CADM2: variants seen among roughly 807,000 people sequenced by gnomAD.
CADM2 encodes immunoglobulin superfamily member 4D.
In CADM2, 12 loss-of-function variants were observed where a neutral mutation model predicts 49.8. The ratio of observed to expected loss-of-function variants is 0.24; its 90% CI spans 0.15 to 0.39. The LOEUF is 0.39. Ranked by LOEUF, CADM2 falls within the 10% of genes least tolerant of loss-of-function variation. CADM2 has a pLI of 1.00. For synonymous variants in CADM2, 214 were observed against 175.4 expected (o/e 1.22, Z -1.74); for missense variants, 378 against 492.3 (o/e 0.77, Z 2.20).
At chr3:85,965,867 C>T (rs909763836) in intron 8 of CADM2, among the ~76,000 whole-genome samples, 7 of 151,590 alleles carry the variant, frequency 4.6e-5, no homozygotes, top group African/African-American at 1.7e-4. Flanking sequence ...GGAAGCAATG[C>T]ATACTCTTCT....
intron 1 of CADM2, among the ~76,000 whole-genome samples, chr3:85,468,115 C>G (rs1047837493): frequency 2.2e-5 from 3 of 137,676 alleles, no homozygotes; most frequent in Non-Finnish European, 4.5e-5. Flanking sequence ...GATCCCGCCA[C>G]TGCACTCCAG....
chr3:85,668,295 C>CAAAAAAAAAAAAAAAA (rs11447925), intron 1 of CADM2, among the ~76,000 whole-genome samples: 1 of 81,774 alleles, frequency 1.2e-5, no homozygotes, highest in Non-Finnish European at 2.5e-5. Flanking sequence ...AGTACCAAAG[C>CAAAAAAAAAAAAAAAA]AAAAAAAAAA....
chr3:85,760,139 T>G (rs766703880), intron 2 of CADM2, among the ~76,000 whole-genome samples: 2 of 152,136 alleles, frequency 1.3e-5, no homozygotes, highest in African/African-American at 2.4e-5. Flanking sequence ...TTGCTAGATA[T>G]ATGAAGTTTT....
At chr3:86,029,850 A>G (rs1017463921) in intron 8 of CADM2, among the ~76,000 whole-genome samples, 1 of 152,012 alleles carries the variant, frequency 6.6e-6, no homozygotes, top group African/African-American at 2.4e-5. Flanking sequence ...AAATTGTTAT[A>G]TGAGTCATCA....
At chr3:85,556,122 T>A (rs1229307837) in intron 1 of CADM2, among the ~76,000 whole-genome samples, 1 of 152,164 alleles carries the variant, frequency 6.6e-6, no homozygotes, top group East Asian at 1.9e-4. Context: ...GCCTTACCAA[T>A]AACATAAACA....
chr3:85,705,434 A>T (rs562917938), intron 1 of CADM2, among the ~76,000 whole-genome samples: 170 of 152,292 alleles, frequency 1.1e-3, no homozygotes, highest in Non-Finnish European at 1.7e-3. Flanking sequence ...AATGATGAGG[A>T]TTGCTGTCCT....
At chr3:85,259,545 A>G (rs998044520) in intron 1 of CADM2, among the ~76,000 whole-genome samples, 2 of 151,998 alleles carry the variant, frequency 1.3e-5, no homozygotes, top group Non-Finnish European at 2.9e-5. Context: ...TTTCAGTTTT[A>G]TTTTCCTTTA....
chr3:85,699,322 GCT>G (rs1217640159), intron 1 of CADM2, among the ~76,000 whole-genome samples: 1 of 152,122 alleles, frequency 6.6e-6, no homozygotes, highest in Non-Finnish European at 1.5e-5. Flanking sequence ...CCTTCTCACA[GCT>G]CCACTAGATA....
chr3:85,485,959 T>A (rs79236293), intron 1 of CADM2, among the ~76,000 whole-genome samples: 1 of 152,212 alleles, frequency 6.6e-6, no homozygotes, highest in East Asian at 1.9e-4. Flanking sequence ...GTATAGTTCA[T>A]ACATAAGGTT....
chr3:84,998,770 C>A (rs1243844346), intron 1 of CADM2, among the ~76,000 whole-genome samples: 3 of 152,022 alleles, frequency 2.0e-5, no homozygotes, highest in Non-Finnish European at 4.4e-5. Context: ...GGGCAGGTAG[C>A]CAGAGGCTCA....
rs530617164 is a variant in CADM2 at position 85,943,746 on chromosome 3, A to G, written c.791+7889A>G. Among the ~76,000 whole-genome samples, 350 of 151,998 alleles carry G rather than the reference A, an allele frequency of 2.3e-3. 4 individuals carry two copies. The highest frequency in any genetic ancestry group is 8.3e-3 in the African/African-American group (343 of 41,494). Reference sequence around the variant, plus strand: ...ACAGAGCCCTCAGAAATAACGCCGCATATCTACAACTATCTGATCTTTGAC... The same window carrying G: ...ACAGAGCCCTCAGAAATAACGCCGCGTATCTACAACTATCTGATCTTTGAC... On this transcript the variant is annotated intron_variant, in intron 7 of 9. Coordinates refer to ENST00000383699, the MANE Select transcript of CADM2 (RefSeq NM_001167675.2).
intron 1 of CADM2, among the ~76,000 whole-genome samples, chr3:85,411,204 A>T (rs2035641960): frequency 6.6e-6 from 1 of 152,172 alleles, no homozygotes; most frequent in Admixed American, 6.5e-5. Context: ...ATGACTTCAG[A>T]AAAGAGGTTA....
intron 2 of CADM2, among the ~76,000 whole-genome samples, chr3:85,774,278 G>T (rs1308872252): frequency 6.6e-6 from 1 of 151,726 alleles, no homozygotes. Context: ...GCATATCGGT[G>T]TTCTTAAATT....
chr3:85,613,506 C>T (rs749259583), intron 1 of CADM2, among the ~76,000 whole-genome samples: 2 of 151,468 alleles, frequency 1.3e-5, no homozygotes, highest in South Asian at 2.1e-4. Flanking sequence ...TTAATAGACA[C>T]CTGAATATTA....
intron 1 of CADM2, among the ~76,000 whole-genome samples, chr3:85,503,269 A>G (rs1414099171): frequency 6.6e-6 from 1 of 152,150 alleles, no homozygotes; most frequent in African/African-American, 2.4e-5. Context: ...TCATTTCTGG[A>G]TTTGCATAAG....
intron 1 of CADM2, among the ~76,000 whole-genome samples, chr3:85,402,803 T>C (rs2035180867): frequency 6.6e-6 from 1 of 152,174 alleles, no homozygotes; most frequent in African/African-American, 2.4e-5. Flanking sequence ...ATGAATTTTA[T>C]AAAGCAATCA....
At chr3:85,845,127 GC>G (rs2074818923) in intron 3 of CADM2, among the ~76,000 whole-genome samples, 1 of 141,666 alleles carries the variant, frequency 7.1e-6, no homozygotes, top group Non-Finnish European at 1.5e-5. Context: ...CTGCACTTCA[GC>G]CTGAGTGACA....
intron 9 of CADM2, among the ~76,000 whole-genome samples, chr3:86,066,418 A>G (rs932387060): frequency 6.7e-6 from 1 of 150,256 alleles, no homozygotes; most frequent in African/African-American, 2.4e-5. Context: ...TTTATCCATC[A>G]TTAAAGAAGT....
chr3:86,060,800 G>A lies in CADM2; in HGVS notation c.971-4805G>A, dbSNP rs578000318. ...AGTTCAAGGCCAGCCTCACCAATATGGTGAAACCTCATCTCTACTGAAAAT... is the reference window on the plus strand; with the variant it reads ...AGTTCAAGGCCAGCCTCACCAATATAGTGAAACCTCATCTCTACTGAAAAT... On this transcript the variant is annotated intron_variant, in intron 8 of 9. Coordinates refer to ENST00000383699, the MANE Select transcript of CADM2 (RefSeq NM_001167675.2). Among the ~76,000 whole-genome samples the A allele has an allele frequency of 2.0e-3, 298 of 152,112 alleles. 2 individuals carry two copies. The highest frequency in any genetic ancestry group is 6.8e-3 in the African/African-American group (283 of 41,506).
Sources: allele counts gnomAD v4.1 joint callset (sites outside exome capture counted in the v4.1 genomes callset), GRCh38; gene constraint gnomAD v4.1.1; transcripts MANE v1.5; gene names NCBI Gene and HGNC (gene_info 2026-07-23, HGNC 2026-07-21).